Variants in PLD1 observed in about 807,000 individuals in gnomAD.
PLD1 encodes the protein choline phosphatase 1.
Under a neutral mutation model 137.1 loss-of-function variants are expected in PLD1, and 112 were observed. The observed-to-expected ratio is 0.82, with a 90% CI of 0.70 to 0.96. The LOEUF (loss-of-function observed/expected upper bound fraction) is 0.96. PLD1 is among the 40% of genes least tolerant of loss of function. PLD1 has a pLI of 0.00. For missense variants in PLD1, 1,321 were observed against 1,342.0 expected (o/e 0.98, Z 0.24); for synonymous variants, 431 against 454.7 (o/e 0.95, Z 0.66).
intron 23 of PLD1, among the ~76,000 whole-genome samples, chr3:171,622,393 TTAAGA>T (rs1578123913): frequency 6.6e-6 from 1 of 152,160 alleles, no homozygotes; most frequent in Non-Finnish European, 1.5e-5. Context: ...TGATAATTAT[TTAAGA>T]TTAGTATACA....
intron 19 of PLD1, among the ~76,000 whole-genome samples, chr3:171,663,904 G>A (rs948049361): frequency 6.6e-6 from 1 of 152,166 alleles, no homozygotes; most frequent in African/African-American, 2.4e-5. Flanking sequence ...TATGTCTGCT[G>A]TATATAAAAG....
At chr3:171,759,263 C>T (rs142443988) in intron 1 of PLD1, among the ~76,000 whole-genome samples, 22 of 152,244 alleles carry the variant, frequency 1.4e-4, no homozygotes, top group Admixed American at 4.6e-4. Flanking sequence ...CAGTAGCTGT[C>T]CTCTCACAAG....
chr3:171,673,401 C>A (rs1339790715), intron 19 of PLD1, among the ~76,000 whole-genome samples: 2 of 152,022 alleles, frequency 1.3e-5, no homozygotes, highest in Non-Finnish European at 2.9e-5. Context: ...CCTGCCTCAG[C>A]CTCCCGAGTA....
At chr3:171,650,527 G>A (rs1273145568) in intron 21 of PLD1, among the ~76,000 whole-genome samples, 1 of 152,166 alleles carries the variant, frequency 6.6e-6, no homozygotes, top group Non-Finnish European at 1.5e-5. Flanking sequence ...TAAGATCAAG[G>A]ACGGGATGTG....
chr3:171,661,543 A>G (rs1303508280), intron 20 of PLD1, among the ~76,000 whole-genome samples: 1 of 152,138 alleles, frequency 6.6e-6, no homozygotes, highest in Non-Finnish European at 1.5e-5. Context: ...TTCCTAATCA[A>G]TAGTAGTTCA....
intron 8 of PLD1, among the ~76,000 whole-genome samples, chr3:171,715,071 T>C (rs1717568399): frequency 6.6e-6 from 1 of 151,830 alleles, no homozygotes; most frequent in South Asian, 2.1e-4. Flanking sequence ...ACATAATGAA[T>C]AATATTCCCA....
At chr3:171,757,085 C>A (rs1464350607) in intron 1 of PLD1, among the ~76,000 whole-genome samples, 1 of 152,110 alleles carries the variant, frequency 6.6e-6, no homozygotes, top group African/African-American at 2.4e-5. Context: ...CAAAAATAGA[C>A]AAATTGCCTA....
Position 171,601,473 on chromosome 3 carries a change from T to A in PLD1, c.*1605A>T, listed in dbSNP as rs1476835713. On this transcript the variant is annotated 3_prime_UTR_variant, in exon 27 of 27. Coordinates refer to ENST00000351298, the MANE Select transcript of PLD1 (RefSeq NM_002662.5). ...AGTCATTTTACCATCTTTAGCCATA[T>A]GAAAAATAAGTTATTTACTTATAAA... is the stretch of plus-strand genomic sequence containing the variant. The A allele has an allele frequency of 6.8e-6, 1 of 147,170 alleles. No homozygotes were observed. The highest frequency in any genetic ancestry group is 1.5e-5 in the Non-Finnish European group (1 of 67,456). 9.1% of individuals were successfully genotyped at this position (147,170 alleles called of 1,614,324 possible). A position where few individuals can be genotyped will look rare whatever the true frequency, so the allele number is the denominator to read the frequency against.
chr3:171,703,825 T>C (rs919258873), intron 11 of PLD1, among the ~76,000 whole-genome samples: 1 of 152,130 alleles, frequency 6.6e-6, no homozygotes, highest in Non-Finnish European at 1.5e-5. Flanking sequence ...TAGTTCAGGC[T>C]TGGGGAGAAA....
At chr3:171,642,437 A>T (rs1374186895) in intron 23 of PLD1, among the ~76,000 whole-genome samples, 2 of 149,488 alleles carry the variant, frequency 1.3e-5, no homozygotes, top group African/African-American at 5.0e-5. Flanking sequence ...AGCCTGGGCA[A>T]CAAGAATGAA....
At chr3:171,796,537 A>G (rs1359368098) in intron 1 of PLD1, among the ~76,000 whole-genome samples, 3 of 152,234 alleles carry the variant, frequency 2.0e-5, no homozygotes, top group Admixed American at 6.5e-5. Context: ...AACTTTTTGT[A>G]CTACTGTGTT....
intron 12 of PLD1, among the ~76,000 whole-genome samples, chr3:171,697,386 A>C (rs1330215245): frequency 6.6e-6 from 1 of 151,638 alleles, no homozygotes; most frequent in Non-Finnish European, 1.5e-5. Context: ...CTGGGACTAT[A>C]GGCGCCCGCC....
intron 1 of PLD1, among the ~76,000 whole-genome samples, chr3:171,799,471 C>G (rs1723563722): frequency 6.8e-6 from 1 of 147,836 alleles, no homozygotes; most frequent in Admixed American, 6.7e-5. Context: ...AAGTGTACTA[C>G]TTTTCTATTT....
intron 1 of PLD1, among the ~76,000 whole-genome samples, chr3:171,758,454 G>T (rs1721178408): frequency 6.6e-6 from 1 of 152,064 alleles, no homozygotes. Flanking sequence ...TGTCTCTCTG[G>T]GACTGTCGAC....
intron 8 of PLD1, among the ~76,000 whole-genome samples, chr3:171,715,037 G>C (rs951915672): frequency 6.6e-6 from 1 of 152,076 alleles, no homozygotes; most frequent in Non-Finnish European, 1.5e-5. Context: ...TCTCATTTGG[G>C]ACCTAACATG....
chr3:171,623,409 G>C (rs939100764), intron 23 of PLD1, among the ~76,000 whole-genome samples: 7 of 150,808 alleles, frequency 4.6e-5, no homozygotes, highest in Admixed American at 1.3e-4. Context: ...CCGCCTCCCG[G>C]GTTCACGCCA....
chr3:171,619,349 G>A (rs573827115), intron 24 of PLD1, among the ~76,000 whole-genome samples: 5 of 152,160 alleles, frequency 3.3e-5, no homozygotes, highest in Non-Finnish European at 7.4e-5. Context: ...CTCTTGTCAA[G>A]CTAATCTAAT....
chr3:171,635,965 CTTTTTTTTTTT>C (rs71178231), intron 23 of PLD1, among the ~76,000 whole-genome samples: 556 of 49,272 alleles, frequency 0.011, 3 homozygotes, highest in African/African-American at 0.022. Context: ...GGTTCAACTT[CTTTTTTTTTTT>C]TTTTTTTTTT....
rs902455230 is a variant in PLD1, at chr3:171,644,925, A to G, written c.2528T>C (p.Met843Thr). The stretch of plus-strand genomic sequence containing the variant: ...GTTTTGGCACCTGTAGTTGAAGTGC[A>G]TGATTGCCTGTAGAGCATTTCCTCC... ...TGGGNALQAIMHFNYRTMCRG... is the reference protein window; with the variant it reads ...TGGGNALQAITHFNYRTMCRG... The change falls in exon 22 of 27, where the codon ATG becomes ACG. Residue 843 changes from methionine to threonine, a missense_variant. Physicochemically the swap from Met to Thr is moderately conservative, Grantham distance 81. Coordinates refer to ENST00000351298, the MANE Select transcript of PLD1 (RefSeq NM_002662.5). 2 of 1,610,972 alleles carry G rather than the reference A, an allele frequency of 1.2e-6. No homozygotes were observed. The highest frequency in any genetic ancestry group is 1.7e-6 in the Non-Finnish European group (2 of 1,177,070).
Sources: gnomAD v4.1 joint callset for allele counts (sites outside exome capture counted in the v4.1 genomes callset) on GRCh38, gnomAD v4.1.1 for gene constraint, MANE v1.5 for transcripts, NCBI Gene and HGNC (gene_info 2026-07-23, HGNC 2026-07-21) for gene names.